The following ADAMTSL1 variants were observed in gnomAD, a reference collection of about 807,000 sequenced individuals.
The protein encoded by ADAMTSL1 is ADAMTS-like protein 1.
ADAMTSL1 carries 126 observed loss-of-function variants against 201.8 expected under a neutral mutation model. The observed-to-expected ratio is 0.62, with a 90% CI of 0.54 to 0.72. The LOEUF is 0.72. Ranked by LOEUF, ADAMTSL1 falls within the 30% of genes least tolerant of loss-of-function variation. ADAMTSL1 has a pLI of 0.00. For synonymous variants in ADAMTSL1, 1,121 were observed against 903.4 expected (o/e 1.24, Z -4.32); for missense variants, 2,679 against 2,277.8 (o/e 1.18, Z -3.59).
intron 1 of ADAMTSL1, among the ~76,000 whole-genome samples, chr9:17,988,908 T>G (rs1164196819): frequency 6.6e-6 from 1 of 151,924 alleles, no homozygotes; most frequent in Non-Finnish European, 1.5e-5. Context: ...GAGCTTATTT[T>G]TAGGCATTTT....
intron 1 of ADAMTSL1, among the ~76,000 whole-genome samples, chr9:17,973,992 T>C (rs1431727734): frequency 1.3e-5 from 2 of 151,872 alleles, no homozygotes; most frequent in African/African-American, 4.8e-5. Context: ...ATAAGAATGC[T>C]TGTGATTTTT....
intron 4 of ADAMTSL1, among the ~76,000 whole-genome samples, chr9:18,596,296 C>A (rs1198560165): frequency 6.6e-6 from 1 of 152,088 alleles, no homozygotes; most frequent in Non-Finnish European, 1.5e-5. Flanking sequence ...TAACTATAAT[C>A]AGCAGTACGT....
intron 20 of ADAMTSL1, among the ~76,000 whole-genome samples, chr9:18,797,421 G>A (rs1433824): frequency 0.54 from 81,940 of 152,068 alleles, 23,292 homozygotes; most frequent in African/African-American, 0.74. Flanking sequence ...TCTGCCACAT[G>A]TTGTGGAACC....
At chr9:18,212,490 A>G (rs896117001) in intron 2 of ADAMTSL1, among the ~76,000 whole-genome samples, 1 of 152,206 alleles carries the variant, frequency 6.6e-6, no homozygotes, top group Non-Finnish European at 1.5e-5. Context: ...ACTTGTCACT[A>G]TGTCAAACAG....
intron 13 of ADAMTSL1, among the ~76,000 whole-genome samples, chr9:18,689,468 C>A (rs1265545130): frequency 2.6e-5 from 4 of 151,974 alleles, no homozygotes; most frequent in Non-Finnish European, 5.9e-5. Flanking sequence ...AGGCAACTAA[C>A]AGGCCACCTA....
intron 3 of ADAMTSL1, among the ~76,000 whole-genome samples, chr9:18,545,488 A>G (rs1820416763): frequency 6.6e-6 from 1 of 152,178 alleles, no homozygotes; most frequent in Non-Finnish European, 1.5e-5. Context: ...AGATATTCAA[A>G]CAAGTCTATT....
chr9:18,880,132 A>C (rs996911079), intron 23 of ADAMTSL1, among the ~76,000 whole-genome samples: 1 of 152,176 alleles, frequency 6.6e-6, no homozygotes, highest in Non-Finnish European at 1.5e-5. Context: ...TATTTCTACC[A>C]CATCTGCAGT....
intron 20 of ADAMTSL1, among the ~76,000 whole-genome samples, chr9:18,803,455 C>T (rs1324666994): frequency 6.6e-6 from 1 of 152,178 alleles, no homozygotes; most frequent in Non-Finnish European, 1.5e-5. Context: ...AATAATCTCC[C>T]CATTTTAGGT....
rs1832248833 is a variant in ADAMTSL1 at position 18,269,020 on chromosome 9, A to G, written c.207+105039A>G. Among the ~76,000 whole-genome samples, 2 of 152,266 alleles carry G rather than the reference A, an allele frequency of 1.3e-5. 1 individual carries two copies. The highest frequency in any genetic ancestry group is 4.1e-4 in the South Asian group (2 of 4,826). ...GTATTTCTTATAGTTTTGAAGTTCTATACAAATCATTGTATATAACTTACA... is the reference window on the plus strand; with the variant it reads ...GTATTTCTTATAGTTTTGAAGTTCTGTACAAATCATTGTATATAACTTACA... On this transcript the variant is annotated intron_variant, in intron 2 of 29. Coordinates refer to the ADAMTSL1 transcript ENST00000680146.
At chr9:18,805,914 G>T (rs930664299) in intron 20 of ADAMTSL1, among the ~76,000 whole-genome samples, 1 of 152,132 alleles carries the variant, frequency 6.6e-6, no homozygotes, top group Non-Finnish European at 1.5e-5. Context: ...GTCTGTTGTT[G>T]CCCCGTTTCC....
intron 2 of ADAMTSL1, among the ~76,000 whole-genome samples, chr9:18,269,270 G>C (rs374972585): frequency 6.6e-6 from 1 of 152,062 alleles, no homozygotes; most frequent in Non-Finnish European, 1.5e-5. Flanking sequence ...GAAGGAAGAG[G>C]TTAATTTACT....
intron 2 of ADAMTSL1, among the ~76,000 whole-genome samples, chr9:18,266,341 G>A (rs1563845086): frequency 6.6e-6 from 1 of 152,210 alleles, no homozygotes; most frequent in Admixed American, 6.5e-5. Flanking sequence ...ACCAGAGCCT[G>A]GTCCTCCATC....
intron 7 of ADAMTSL1, among the ~76,000 whole-genome samples, chr9:18,652,383 A>G (rs200040624): frequency 0.083 from 10,776 of 129,916 alleles, 329 homozygotes; most frequent in Non-Finnish European, 0.13. Flanking sequence ...AAAAAAAAAA[A>G]GGAAAAAAAA....
chr9:18,119,778 G>C (rs1482534497), intron 1 of ADAMTSL1, among the ~76,000 whole-genome samples: 1 of 152,014 alleles, frequency 6.6e-6, no homozygotes, highest in Non-Finnish European at 1.5e-5. Context: ...AGGAGTTGCT[G>C]GCTTCACTCT....
chr9:18,245,595 T>C (rs762004335), intron 2 of ADAMTSL1, among the ~76,000 whole-genome samples: 1 of 152,076 alleles, frequency 6.6e-6, no homozygotes, highest in Non-Finnish European at 1.5e-5. Context: ...GGTGTCCCAG[T>C]TGAGAAGTCA....
intron 2 of ADAMTSL1, among the ~76,000 whole-genome samples, chr9:18,532,666 A>G (rs1297487553): frequency 6.6e-6 from 1 of 151,974 alleles, no homozygotes; most frequent in African/African-American, 2.4e-5. Flanking sequence ...TAAATAAATC[A>G]AAATAATAGT....
At chr9:18,225,620 C>G (rs372705622) in intron 2 of ADAMTSL1, among the ~76,000 whole-genome samples, 12 of 152,068 alleles carry the variant, frequency 7.9e-5, no homozygotes, top group Admixed American at 2.6e-4. Flanking sequence ...AACTCTGACT[C>G]TTTTAGATAA....
At chr9:18,668,451 C>T (rs1829604888) in intron 9 of ADAMTSL1, among the ~76,000 whole-genome samples, 1 of 152,092 alleles carries the variant, frequency 6.6e-6, no homozygotes, top group African/African-American at 2.4e-5. Flanking sequence ...AGTATCACTT[C>T]TTATAGTACA....
At chr9:18,798,373 C>G (rs2131065053) in intron 20 of ADAMTSL1, among the ~76,000 whole-genome samples, 1 of 152,260 alleles carries the variant, frequency 6.6e-6, no homozygotes, top group South Asian at 2.1e-4. Flanking sequence ...GAAAGTGGTG[C>G]TAATAACAGC....
Sources: gnomAD v4.1 joint callset for allele counts (sites outside exome capture counted in the v4.1 genomes callset) on GRCh38, gnomAD v4.1.1 for gene constraint, MANE v1.5 for transcripts, NCBI Gene and HGNC (gene_info 2026-07-23, HGNC 2026-07-21) for gene names.